The following RBM26 variants were observed in gnomAD, a reference collection of about 807,000 sequenced individuals.
RBM26 encodes RNA-binding protein 26.
A neutral mutation model predicts 123.6 loss-of-function variants in RBM26; 30 were observed. The observed-to-expected ratio is 0.24, with a 90% CI of 0.18 to 0.33. The LOEUF (loss-of-function observed/expected upper bound fraction) is 0.33. Among genes scored for constraint, RBM26 ranks in the 10% least tolerant of loss-of-function variants. RBM26 has a pLI of 1.00. For missense variants in RBM26, 947 were observed against 1,203.6 expected (o/e 0.79, Z 3.15); for synonymous variants, 400 against 404.4 (o/e 0.99, Z 0.13).
chr13:79,321,037 G>A (rs751377277), intron 21 of RBM26, among the ~76,000 whole-genome samples: 13 of 151,264 alleles, frequency 8.6e-5, no homozygotes, highest in Non-Finnish European at 1.3e-4. Flanking sequence ...AAAGAAAACA[G>A]TAAGTTTTCT....
At chr13:79,394,518 A>G (rs2078386416) in intron 1 of RBM26, among the ~76,000 whole-genome samples, 1 of 152,034 alleles carries the variant, frequency 6.6e-6, no homozygotes, top group East Asian at 1.9e-4. Context: ...CTTCCTCCCA[A>G]CTTCCTTCTG....
At chr13:79,363,867 T>C (rs2074986011) in intron 9 of RBM26, among the ~76,000 whole-genome samples, 1 of 152,146 alleles carries the variant, frequency 6.6e-6, no homozygotes, top group African/African-American at 2.4e-5. Context: ...ATGACTTTAG[T>C]GGGAATCCCC....
rs2075299895 is a variant in RBM26, at chr13:79,366,669, G to A, written c.1099C>T (p.Pro367Ser). The A allele has an allele frequency of 6.3e-7, 1 of 1,592,330 alleles. No homozygotes were observed. The change falls in exon 7 of 22, where the codon CCA (proline) becomes TCA (serine). Residue 367 changes from proline (P) to serine (S), a missense_variant. Physicochemically the swap from Pro to Ser is moderately conservative, Grantham distance 74. Transcript: ENST00000438737. ...PVNLRPPVPP[P>S]GPLPPSLPPV... Reference sequence around the variant, plus strand: ...GGGAGACTGGGTGGCAATGGACCTGGCGGTGGTACTGGGGGCCTGAGATTC... The same window carrying A: ...GGGAGACTGGGTGGCAATGGACCTGACGGTGGTACTGGGGGCCTGAGATTC...
chr13:79,365,573 AG>A lies in RBM26; in HGVS notation c.1417+4del, dbSNP rs764712684. ...ATGACAGGAAGGAAAGATTAATTAT[AG>A]TACCTCTGGGTGGCAAATCCATATC... On this transcript the variant is annotated splice_donor_region_variant and intron_variant, in intron 9 of 21. Transcript: ENST00000438737. The A allele has an allele frequency of 1.5e-5, 24 of 1,607,014 alleles. No individual in the cohort carries two copies. The highest frequency in any genetic ancestry group is 1.7e-5 in the Non-Finnish European group (20 of 1,175,772).
intron 7 of RBM26, 43 bp downstream of exon 7, chr13:79,366,590 A>C: frequency 6.7e-7 from 1 of 1,482,356 alleles, no homozygotes; most frequent in South Asian, 1.5e-5. Flanking sequence ...AAATAGACTA[A>C]GAATGGCTAG....
intron 7 of RBM26, 100 bp downstream of exon 7, chr13:79,366,533 T>A (rs2075285808): frequency 3.3e-6 from 4 of 1,230,130 alleles, no homozygotes; most frequent in Non-Finnish European, 4.5e-6. Context: ...CAGGCATTTT[T>A]GGGATTCCTT....
chr13:79,375,070 T>C (rs2076523401), intron 3 of RBM26, among the ~76,000 whole-genome samples: 1 of 128,320 alleles, frequency 7.8e-6, no homozygotes, highest in African/African-American at 2.9e-5. Flanking sequence ...TTTTTATATA[T>C]TTATATGATA....
At chr13:79,387,726 A>C (rs544160357) in intron 1 of RBM26, among the ~76,000 whole-genome samples, 6 of 152,304 alleles carry the variant, frequency 3.9e-5, no homozygotes, top group Middle Eastern at 3.4e-3. Context: ...TAGAATCTTC[A>C]AGAGAATTTT....
In RBM26 at chr13:79,363,021, T is replaced by A. The variant is rs532813583; in HGVS notation, c.1417+2557A>T. On this transcript the variant is annotated intron_variant, in intron 9 of 21. Transcript: ENST00000438737. ...GTTTTGTTGACTAGAAATGGAAAAC[T>A]ACTTAACCCTTCCTCCTCCCTATAT... Among the ~76,000 whole-genome samples the A allele has an allele frequency of 5.3e-5, 8 of 152,324 alleles. 1 individual carries two copies. The East Asian group carries it at 1.5e-3, about 29-fold the overall frequency.
chr13:79,388,474 T>C (rs1444620645), intron 1 of RBM26, among the ~76,000 whole-genome samples: 1 of 152,228 alleles, frequency 6.6e-6, no homozygotes, highest in African/African-American at 2.4e-5. Context: ...AGCTCCAAAA[T>C]TGTCCAATCA....
At chr13:79,351,534 T>C (rs1333160763) in intron 14 of RBM26, among the ~76,000 whole-genome samples, 1 of 148,858 alleles carries the variant, frequency 6.7e-6, no homozygotes. Flanking sequence ...CAGAAAAATC[T>C]GGAGGTTTCA....
intron 1 of RBM26, among the ~76,000 whole-genome samples, chr13:79,395,281 T>C (rs1337273214): frequency 1.3e-5 from 2 of 152,006 alleles, no homozygotes; most frequent in Admixed American, 6.5e-5. Flanking sequence ...ATGATAAAAA[T>C]GCTAAAGAAT....
At chr13:79,378,989 A>G (rs2076863408) in intron 1 of RBM26, 82 bp from the exon 2 acceptor site, 3 of 858,804 alleles carry the variant, frequency 3.5e-6, no homozygotes, top group Middle Eastern at 2.3e-4. Flanking sequence ...ATTAGTGAGA[A>G]TAATAGTTAA....
At chr13:79,396,998 G>A (rs992242003) in intron 1 of RBM26, among the ~76,000 whole-genome samples, 19 of 152,082 alleles carry the variant, frequency 1.2e-4, no homozygotes, top group Admixed American at 2.6e-4. Context: ...TGGCCAACAT[G>A]GTGAAACCCC....
chr13:79,391,796 T>G (rs1166857843), intron 1 of RBM26, among the ~76,000 whole-genome samples: 1 of 151,774 alleles, frequency 6.6e-6, no homozygotes, highest in African/African-American at 2.4e-5. Context: ...AAAGAGAAAG[T>G]TGCAGATCAT....
chr13:79,378,573 G>A (rs939310362), intron 2 of RBM26, among the ~76,000 whole-genome samples: 11 of 151,990 alleles, frequency 7.2e-5, no homozygotes, highest in East Asian at 3.9e-4. Context: ...CCGAGTAGCC[G>A]GGATTACAGG....
downstream of RBM26, chr13:79,315,072 C>A: frequency 1.3e-6 from 1 of 776,312 alleles, no homozygotes; most frequent in Non-Finnish European, 1.9e-6. Context: ...CATAAATTGA[C>A]CTCCAACTTT....
chr13:79,401,376 T>C (rs537737549), intron 1 of RBM26, among the ~76,000 whole-genome samples: 1 of 152,286 alleles, frequency 6.6e-6, no homozygotes, highest in South Asian at 2.1e-4. Flanking sequence ...CAGAAAACAC[T>C]AGGATGCTGC....
chr13:79,355,891 T>C (rs1361024518), intron 11 of RBM26, among the ~76,000 whole-genome samples: 1 of 152,148 alleles, frequency 6.6e-6, no homozygotes, highest in African/African-American at 2.4e-5. Flanking sequence ...ACAGCATCAA[T>C]CACATTTGAT....
Sources: allele counts gnomAD v4.1 joint callset (sites outside exome capture counted in the v4.1 genomes callset), GRCh38; gene constraint gnomAD v4.1.1; transcripts MANE v1.5; gene names NCBI Gene and HGNC (gene_info 2026-07-23, HGNC 2026-07-21).